Variants in DGKI observed in about 807,000 individuals in gnomAD.
DGKI encodes the protein DAG kinase iota.
A neutral mutation model predicts 147.5 loss-of-function variants in DGKI; 55 were observed. The observed-to-expected ratio is 0.37, with a 90% CI of 0.30 to 0.47. The LOEUF (loss-of-function observed/expected upper bound fraction) is 0.47. Ranked by LOEUF, DGKI falls within the 20% of genes least tolerant of loss-of-function variation. The pLI is 1.00. For missense variants in DGKI, 1,007 were observed against 1,323.8 expected, an observed-to-expected ratio of 0.76 and a Z score of 3.71; for synonymous variants, 469 against 477.1, an observed-to-expected ratio of 0.98 and a Z score of 0.22.
At chr7:137,401,260 G>A (rs530561314) in intron 30 of DGKI, among the ~76,000 whole-genome samples, 4 of 152,172 alleles carry the variant, frequency 2.6e-5, no homozygotes, top group South Asian at 2.1e-4. Context: ...AGTCAGGCAC[G>A]GTGGTTCACG....
intron 19 of DGKI, among the ~76,000 whole-genome samples, chr7:137,559,004 T>C (rs976041573): frequency 6.6e-5 from 10 of 151,256 alleles, no homozygotes; most frequent in African/African-American, 1.2e-4. Flanking sequence ...GATTACAGTA[T>C]GCTGCTACAA....
intron 6 of DGKI, among the ~76,000 whole-genome samples, chr7:137,638,270 C>T (rs978747188): frequency 6.6e-6 from 1 of 151,678 alleles, no homozygotes; most frequent in African/African-American, 2.4e-5. Flanking sequence ...TCACCTTTCA[C>T]CTCTTCGTCT....
rs545415127 is a variant in DGKI, at chr7:137,455,641, G to T, written c.2735+7848C>A. Reference sequence around the variant, plus strand: ...CATCCAGAAAAGTTAAAAAAAAAAGGGGGGGGGGCGGGGAATGTGGTCTCC... The same window carrying T: ...CATCCAGAAAAGTTAAAAAAAAAAGTGGGGGGGGCGGGGAATGTGGTCTCC... On this transcript the variant is annotated intron_variant, in intron 27 of 32. Coordinates refer to ENST00000614521, the MANE Select transcript of DGKI (RefSeq NM_001321708.2). Among the ~76,000 whole-genome samples, 899 of 111,498 alleles carry T rather than the reference G, an allele frequency of 8.1e-3. 21 individuals are homozygous for T. Among genetic ancestry groups the T allele is most frequent in the African/African-American group, 0.029 (871 of 30,104 alleles). 73.1% of individuals were successfully genotyped at this position (111,498 alleles called of 152,430 possible).
intron 21 of DGKI, among the ~76,000 whole-genome samples, chr7:137,491,656 A>C (rs2128938077): frequency 6.6e-6 from 1 of 152,358 alleles, no homozygotes; most frequent in Middle Eastern, 3.4e-3. Context: ...GTATTAGAAC[A>C]AAACATAGTG....
intron 21 of DGKI, among the ~76,000 whole-genome samples, chr7:137,505,118 C>T (rs901204388): frequency 7.5e-5 from 10 of 133,966 alleles, no homozygotes; most frequent in African/African-American, 2.9e-4. Flanking sequence ...CACACTGGGG[C>T]CTTTCTGGGG....
At chr7:137,409,764 C>T (rs1020080396) in intron 29 of DGKI, among the ~76,000 whole-genome samples, 6 of 152,150 alleles carry the variant, frequency 3.9e-5, no homozygotes, top group African/African-American at 1.2e-4. Flanking sequence ...ACACCATGAA[C>T]ATTCAGTTAG....
chr7:137,533,217 A>G (rs902174292), intron 20 of DGKI, among the ~76,000 whole-genome samples: 1 of 152,098 alleles, frequency 6.6e-6, no homozygotes, highest in Non-Finnish European at 1.5e-5. Context: ...TGAACTCAGG[A>G]GTTCAAGATT....
intron 1 of DGKI, among the ~76,000 whole-genome samples, chr7:137,823,988 A>G (rs917588628): frequency 6.6e-6 from 1 of 152,212 alleles, no homozygotes; most frequent in African/African-American, 2.4e-5. Flanking sequence ...AGCATTTATT[A>G]ATGATTTAAA....
chr7:137,810,242 C>T (rs1797520023), intron 1 of DGKI, among the ~76,000 whole-genome samples: 1 of 152,144 alleles, frequency 6.6e-6, no homozygotes, highest in Non-Finnish European at 1.5e-5. Flanking sequence ...TTCTATAATG[C>T]TAATGCTAAT....
At chr7:137,612,996 T>C (rs1259522168) in intron 8 of DGKI, among the ~76,000 whole-genome samples, 1 of 152,166 alleles carries the variant, frequency 6.6e-6, no homozygotes, top group Non-Finnish European at 1.5e-5. Context: ...AGGATAATTG[T>C]ACCTTGCCAC....
intron 1 of DGKI, among the ~76,000 whole-genome samples, chr7:137,757,356 T>C (rs1795720376): frequency 6.6e-6 from 1 of 152,192 alleles, no homozygotes. Flanking sequence ...CTAACTTTTG[T>C]GTATGATTCA....
intron 6 of DGKI, among the ~76,000 whole-genome samples, chr7:137,640,248 T>G (rs1821576690): frequency 6.6e-6 from 1 of 152,052 alleles, no homozygotes; most frequent in African/African-American, 2.4e-5. Context: ...GGACAAACAC[T>G]ACATGATGCC....
chr7:137,440,069 G>T (rs1040598805), intron 28 of DGKI, among the ~76,000 whole-genome samples: 2 of 152,186 alleles, frequency 1.3e-5, no homozygotes, highest in Admixed American at 1.3e-4. Flanking sequence ...GTGACAGAAA[G>T]GAAGATGAGT....
rs577643560 is a variant in DGKI at position 137,416,858 on chromosome 7, C to T, written c.2762-4651G>A. Among the ~76,000 whole-genome samples, 38 of 152,240 alleles carry T rather than the reference C, an allele frequency of 2.5e-4. No individual in the cohort carries two copies. The South Asian group carries it at 5.0e-3, about 20-fold the overall frequency. The stretch of plus-strand genomic sequence containing the variant: ...AGATCATATGACAGAATCATAACCA[C>T]GAGTAGTTTCCAATTGTACTGGATG... On this transcript the variant is annotated intron_variant, in intron 28 of 32. Coordinates refer to ENST00000614521, the MANE Select transcript of DGKI (RefSeq NM_001321708.2).
intron 1 of DGKI, among the ~76,000 whole-genome samples, chr7:137,717,829 T>C (rs1339186704): frequency 2.0e-5 from 3 of 152,234 alleles, no homozygotes; most frequent in Non-Finnish European, 2.9e-5. Context: ...CTAATGGCTA[T>C]TCCTGGGTAG....
chr7:137,440,037 C>T (rs569177377), intron 28 of DGKI, among the ~76,000 whole-genome samples: 1 of 152,250 alleles, frequency 6.6e-6, no homozygotes, highest in Admixed American at 6.5e-5. Context: ...TTCCAAGGAG[C>T]CTGTAAAATA....
intron 1 of DGKI, among the ~76,000 whole-genome samples, chr7:137,815,182 A>C (rs1291277324): frequency 6.6e-6 from 1 of 152,176 alleles, no homozygotes; most frequent in Admixed American, 6.5e-5. Context: ...TCTTTTAAAA[A>C]TTCATCCCCC....
At chr7:137,400,906 C>T (rs1330332668) in intron 30 of DGKI, among the ~76,000 whole-genome samples, 1 of 152,198 alleles carries the variant, frequency 6.6e-6, no homozygotes, top group African/African-American at 2.4e-5. Flanking sequence ...TAGCAGCCAG[C>T]TGACTACAGA....
At chr7:137,513,231 C>G (rs150656086) in intron 21 of DGKI, among the ~76,000 whole-genome samples, 1 of 152,202 alleles carries the variant, frequency 6.6e-6, no homozygotes, top group Non-Finnish European at 1.5e-5. Flanking sequence ...ATCTGTACTC[C>G]CTCCTCTGCC....
Sources: allele counts gnomAD v4.1 joint callset (sites outside exome capture counted in the v4.1 genomes callset), GRCh38; gene constraint gnomAD v4.1.1; transcripts MANE v1.5; gene names NCBI Gene and HGNC (gene_info 2026-07-23, HGNC 2026-07-21).